MCHR2: variants seen among roughly 807,000 people sequenced by gnomAD.
MCHR2 encodes the protein melanin concentrating hormone receptor 2.
A neutral mutation model predicts 24.8 loss-of-function variants in MCHR2; 15 were observed. The observed-to-expected ratio is 0.60, with a 90% CI of 0.40 to 0.93. The LOEUF (loss-of-function observed/expected upper bound fraction) is 0.93, where lower values mean the gene tolerates loss of function less well. Ranked by LOEUF, MCHR2 falls within the 40% of genes least tolerant of loss-of-function variation. The pLI, the probability that MCHR2 is intolerant of heterozygous loss-of-function variation, is 0.00. For missense variants in MCHR2, 386 were observed against 408.7 expected (o/e 0.94, Z 0.48); for synonymous variants, 151 against 147.6 (o/e 1.02, Z -0.17).
At chr6:99,944,222 A>G (rs1444365187) in intron 3 of MCHR2, among the ~76,000 whole-genome samples, 2 of 152,180 alleles carry the variant, frequency 1.3e-5, no homozygotes, top group African/African-American at 4.8e-5. Context: ...CAAACTTGAA[A>G]TTCTGACATA....
At chr6:99,928,803 A>C (rs1019663220) in intron 5 of MCHR2, among the ~76,000 whole-genome samples, 2 of 152,116 alleles carry the variant, frequency 1.3e-5, no homozygotes, top group African/African-American at 4.8e-5. Context: ...TGGATTAATT[A>C]ATTCTTTGAA....
intron 1 of MCHR2, among the ~76,000 whole-genome samples, chr6:99,974,659 T>C (rs1393292120): frequency 1.3e-5 from 2 of 152,238 alleles, no homozygotes; most frequent in African/African-American, 4.8e-5. Context: ...TTTCCAGTTT[T>C]TCTGCTCTGT....
intron 5 of MCHR2, among the ~76,000 whole-genome samples, chr6:99,927,581 TTATTC>T (rs1384021674): frequency 6.6e-6 from 1 of 152,132 alleles, no homozygotes; most frequent in Non-Finnish European, 1.5e-5. Context: ...CCTAGGTATT[TTATTC>T]TCTTTGAAGC....
chr6:99,965,158 AAAAG>A (rs1237424858), intron 1 of MCHR2, among the ~76,000 whole-genome samples: 8 of 152,124 alleles, frequency 5.3e-5, no homozygotes, highest in Admixed American at 5.2e-4. Flanking sequence ...TAATAACAGT[AAAAG>A]TATTGTTAAA....
intron 5 of MCHR2, among the ~76,000 whole-genome samples, chr6:99,928,682 TATCC>T (rs2114493768): frequency 6.6e-6 from 1 of 152,342 alleles, no homozygotes; most frequent in East Asian, 1.9e-4. Context: ...TCAGTGGTGA[TATCC>T]CCTTTATCAC....
rs180791426 is a variant in MCHR2 at position 99,939,564 on chromosome 6, T to C, written c.587+3385A>G. ...TTGCTATAGCTGTTACCATTTTTGA[T>C]AGATTTGTCTTTTGGGCTTCATGCT... On this transcript the variant is annotated intron_variant, in intron 4 of 5. Transcript: ENST00000281806. 2.0e-5 allele frequency among the ~76,000 whole-genome samples: 3 copies of C among 152,232 alleles called. No homozygotes were observed. The East Asian group carries it at 5.8e-4, about 29-fold the overall frequency.
intron 1 of MCHR2, among the ~76,000 whole-genome samples, chr6:99,973,678 T>A (rs949594134): frequency 3.9e-5 from 6 of 152,230 alleles, no homozygotes; most frequent in African/African-American, 1.4e-4. Flanking sequence ...CATTTTGGCA[T>A]GTTTTTGCAG....
chr6:99,966,553 A>G (rs2114559150), intron 1 of MCHR2, among the ~76,000 whole-genome samples: 1 of 152,256 alleles, frequency 6.6e-6, no homozygotes, highest in South Asian at 2.1e-4. Flanking sequence ...CTCCAGGTGT[A>G]TGGCTGCTAA....
chr6:99,934,623 T>A (rs1437852279), intron 4 of MCHR2, 106 bp from the exon 5 acceptor site: 1 of 1,088,482 alleles, frequency 9.2e-7, no homozygotes, highest in African/African-American at 1.6e-5. Flanking sequence ...CTTTCATTTT[T>A]CAGGGTCCAG....
chr6:99,976,633 G>T (rs1442622143), intron 1 of MCHR2, among the ~76,000 whole-genome samples: 1 of 132,866 alleles, frequency 7.5e-6, no homozygotes, highest in African/African-American at 2.7e-5. Context: ...ACCACCTGTG[G>T]CTTTTTTACA....
At chr6:99,934,544 G>A in intron 4 of MCHR2, 27 bp from the exon 5 acceptor site, 2 of 1,516,528 alleles carry the variant, frequency 1.3e-6, no homozygotes, top group Non-Finnish European at 1.8e-6. Flanking sequence ...AGAAGAGAGA[G>A]AGAGAAAGAA....
At chr6:99,969,104 A>G (rs896592112) in intron 1 of MCHR2, among the ~76,000 whole-genome samples, 1 of 152,164 alleles carries the variant, frequency 6.6e-6, no homozygotes, top group Non-Finnish European at 1.5e-5. Context: ...TCCTTTTTAT[A>G]ATTGTCTTAA....
At chr6:99,988,858 C>A (rs1775814426) in intron 1 of MCHR2, among the ~76,000 whole-genome samples, 1 of 152,102 alleles carries the variant, frequency 6.6e-6, no homozygotes. Flanking sequence ...ATAACTTTTT[C>A]CATATAATGA....
At position 99,981,199 on chromosome 6, in the gene MCHR2, T is replaced by G. The variant is rs138296514; in HGVS notation, c.-28+12737A>C. On this transcript the variant is annotated intron_variant, in intron 1 of 5. Transcript: ENST00000281806. Reference sequence around the variant, plus strand: ...TTTAAAAGTACAGATTGTCCTATGCTGTGGTCCAAACATTAACATAGCAAT... The same window carrying G: ...TTTAAAAGTACAGATTGTCCTATGCGGTGGTCCAAACATTAACATAGCAAT... Among the ~76,000 whole-genome samples, 133 of 152,344 alleles carry G rather than the reference T, an allele frequency of 8.7e-4. 2 individuals are homozygous for G. Among genetic ancestry groups the G allele is most frequent in the African/African-American group, 3.0e-3 (123 of 41,576 alleles).
In MCHR2 at chr6:99,921,214, G is replaced by C; in HGVS notation, c.749C>G (p.Thr250Arg). 1.2e-6 allele frequency: 2 copies of C among 1,614,086 alleles called. No homozygotes were observed. Among genetic ancestry groups the C allele is most frequent in the Non-Finnish European group, 1.7e-6 (2 of 1,179,984 alleles). ...SVPKQRVMKLTKMVLVLVVVF... is the reference protein window; with the variant it reads ...SVPKQRVMKLRKMVLVLVVVF... ...TACCACCAGCACCAGCACCATCTTT[G>C]TCAACTTCATCACTCTCTGTTTTGG... is the stretch of plus-strand genomic sequence containing the variant. The change falls in exon 6 of 6, where the codon ACA (threonine) becomes AGA (arginine). Residue 250 changes from threonine (T) to arginine (R), a missense_variant. Coordinates refer to ENST00000281806, the MANE Select transcript of MCHR2 (RefSeq NM_001040179.2).
intron 1 of MCHR2, among the ~76,000 whole-genome samples, chr6:99,969,473 C>A (rs988465585): frequency 3.7e-3 from 284 of 76,796 alleles, no homozygotes; most frequent in African/African-American, 5.1e-3. Flanking sequence ...GACTCCATCT[C>A]AAAAAAAAAA....
intron 1 of MCHR2, among the ~76,000 whole-genome samples, chr6:99,978,028 G>A (rs536368632): frequency 6.6e-6 from 1 of 152,238 alleles, no homozygotes; most frequent in African/African-American, 2.4e-5. Context: ...AACACTTTAA[G>A]AATCAATATA....
chr6:99,972,293 GGT>G (rs1554196166), intron 1 of MCHR2, among the ~76,000 whole-genome samples: 1 of 152,032 alleles, frequency 6.6e-6, no homozygotes, highest in Non-Finnish European at 1.5e-5. Flanking sequence ...GTCTTGGGAG[GGT>G]GTATGTGTCG....
At chr6:99,989,309 A>G (rs1227934723) in intron 1 of MCHR2, among the ~76,000 whole-genome samples, 2 of 152,214 alleles carry the variant, frequency 1.3e-5, no homozygotes, top group Non-Finnish European at 2.9e-5. Flanking sequence ...AAAACAAGAT[A>G]AAGAGGTAAA....
Sources: gnomAD v4.1 joint callset for allele counts (sites outside exome capture counted in the v4.1 genomes callset) on GRCh38, gnomAD v4.1.1 for gene constraint, MANE v1.5 for transcripts, NCBI Gene and HGNC (gene_info 2026-07-23, HGNC 2026-07-21) for gene names.